ADGRV1: variants seen among roughly 807,000 people sequenced by gnomAD.
ADGRV1 encodes G-protein coupled receptor 98.
ADGRV1 carries 359 observed loss-of-function variants against 596.2 expected under a neutral mutation model. The observed-to-expected ratio is 0.60, with a 90% confidence interval of 0.55 to 0.66. The LOEUF (loss-of-function observed/expected upper bound fraction) is 0.66, where lower values mean the gene tolerates loss of function less well. ADGRV1 is among the 30% of genes least tolerant of loss of function. ADGRV1 has a pLI of 0.00. For missense variants in ADGRV1, 7,274 were observed against 7,575.6 expected (o/e 0.96, Z 1.48); for synonymous variants, 2,681 against 2,679.2 (o/e 1.00, Z -0.02).
At chr5:90,732,243 A>T (rs185699543) in intron 50 of ADGRV1, among the ~76,000 whole-genome samples, 1 of 152,054 alleles carries the variant, frequency 6.6e-6, no homozygotes, top group Non-Finnish European at 1.5e-5. Context: ...GCTTCAGGAG[A>T]TCCTCCTGCC....
chr5:91,038,235 G>T (rs1196244749), intron 85 of ADGRV1, among the ~76,000 whole-genome samples: 1 of 152,164 alleles, frequency 6.6e-6, no homozygotes, highest in Non-Finnish European at 1.5e-5. Flanking sequence ...AAGAAAGCGA[G>T]GATTACTAGA....
intron 87 of ADGRV1, among the ~76,000 whole-genome samples, chr5:91,125,387 A>G (rs1279445646): frequency 2.6e-5 from 4 of 152,242 alleles, no homozygotes; most frequent in African/African-American, 9.6e-5. Context: ...TGAAAGGGCC[A>G]GGAATATACT....
chr5:91,100,089 T>C (rs1189465521), intron 86 of ADGRV1, among the ~76,000 whole-genome samples: 1 of 152,114 alleles, frequency 6.6e-6, no homozygotes, highest in Non-Finnish European at 1.5e-5. Flanking sequence ...GAAACCATCT[T>C]GAAAGGGCTC....
intron 73 of ADGRV1, 24 bp downstream of exon 73, chr5:90,807,761 C>T (rs1762044418): frequency 6.7e-7 from 1 of 1,499,294 alleles, no homozygotes; most frequent in African/African-American, 1.4e-5. Context: ...CATTCTCACC[C>T]AAGAAATTCT....
intron 77 of ADGRV1, among the ~76,000 whole-genome samples, chr5:90,834,236 G>T (rs1764767478): frequency 6.6e-6 from 1 of 152,082 alleles, no homozygotes. Flanking sequence ...TATTAACCAT[G>T]AGTTTTGTAC....
At chr5:90,689,076 T>G (rs1282805250) in intron 29 of ADGRV1, among the ~76,000 whole-genome samples, 5 of 152,178 alleles carry the variant, frequency 3.3e-5, no homozygotes, top group African/African-American at 1.2e-4. Flanking sequence ...TAGTGTGCTT[T>G]CAGAGGAACA....
At chr5:90,666,819 C>G (rs1771500107) in intron 21 of ADGRV1, among the ~76,000 whole-genome samples, 2 of 151,732 alleles carry the variant, frequency 1.3e-5, no homozygotes, top group Admixed American at 1.3e-4. Flanking sequence ...GTGACAAAAT[C>G]TCTCAGCATT....
chr5:91,030,989 T>C (rs2151226678), intron 85 of ADGRV1: 1 of 1,382,496 alleles, frequency 7.2e-7, no homozygotes, highest in Non-Finnish European at 9.6e-7. Flanking sequence ...TGATTTTATA[T>C]GTCAATCAGT....
At chr5:90,920,858 G>T (rs529960274) in intron 83 of ADGRV1, among the ~76,000 whole-genome samples, 2 of 152,190 alleles carry the variant, frequency 1.3e-5, no homozygotes, top group African/African-American at 2.4e-5. Context: ...TTAACTACTG[G>T]CTGTCAAATT....
intron 20 of ADGRV1, chr5:90,655,956 T>G (rs1426267500): frequency 6.6e-6 from 1 of 152,202 alleles, no homozygotes; most frequent in East Asian, 1.9e-4. Context: ...ATTTCACAAT[T>G]TTTCTTCTTT....
intron 85 of ADGRV1, among the ~76,000 whole-genome samples, chr5:91,059,990 C>T (rs1384674944): frequency 1.3e-5 from 2 of 151,994 alleles, no homozygotes; most frequent in African/African-American, 4.8e-5. Context: ...TAACCCATTA[C>T]ACAGCAAACA....
intron 10 of ADGRV1, among the ~76,000 whole-genome samples, chr5:90,635,838 A>G (rs562028671): frequency 1.3e-4 from 20 of 149,756 alleles, no homozygotes; most frequent in Non-Finnish European, 5.9e-5. Context: ...CAAGTAGTCC[A>G]CCTCCCTTGG....
chr5:90,949,896 C>T (rs10057134), intron 83 of ADGRV1, among the ~76,000 whole-genome samples: 65,178 of 152,056 alleles, frequency 0.43, 15,132 homozygotes, highest in Non-Finnish European at 0.51. Flanking sequence ...ACAGAGTGCT[C>T]TGATGTGGTG....
chr5:91,137,463 A>T (rs1481223322), intron 87 of ADGRV1, among the ~76,000 whole-genome samples: 1 of 152,182 alleles, frequency 6.6e-6, no homozygotes, highest in Non-Finnish European at 1.5e-5. Context: ...GTTAGGCTTC[A>T]TATGCCTCGT....
intron 50 of ADGRV1, among the ~76,000 whole-genome samples, chr5:90,731,831 A>G (rs1307613314): frequency 6.6e-6 from 1 of 152,220 alleles, no homozygotes; most frequent in Non-Finnish European, 1.5e-5. Flanking sequence ...AAAGTCATCT[A>G]TTTTAAAATG....
At position 90,675,311 on chromosome 5, in the gene ADGRV1, G is replaced by C. The variant is rs758765037; in HGVS notation, c.5179G>C (p.Val1727Leu). ...CGCAATGACCCTGCCTGCAAGCAGCGTTCCACATATCACTGTGGAGGAGGA... is the reference window on the plus strand; with the variant it reads ...CGCAATGACCCTGCCTGCAAGCAGCCTTCCACATATCACTGTGGAGGAGGA... Reference protein sequence around the residue: ...KDAMTLPASSVPHITVEEEDG... With the variant: ...KDAMTLPASSLPHITVEEEDG... The change falls in exon 24 of 90, where the codon GTT (valine) becomes CTT (leucine). Residue 1727 changes from valine to leucine, a missense_variant. By Grantham distance (32) the Val-to-Leu change is conservative. Around this residue, in one of 5 missense-constraint regions of ADGRV1, gnomAD observed 3,643 missense variants for 3,809.2 expected, o/e 0.96. Coordinates refer to ENST00000405460, the MANE Select transcript of ADGRV1 (RefSeq NM_032119.4). 6.2e-7 allele frequency: 1 copy of C among 1,613,678 alleles called. No individual in the cohort carries two copies. Among genetic ancestry groups the C allele is most frequent in the Non-Finnish European group, 8.5e-7 (1 of 1,179,814 alleles).
intron 24 of ADGRV1, 34 bp downstream of exon 24, chr5:90,675,479 C>T: frequency 6.4e-7 from 1 of 1,562,908 alleles, no homozygotes; most frequent in Non-Finnish European, 8.8e-7. Context: ...GTTGTATTTG[C>T]ACTTGTAAAA....
intron 87 of ADGRV1, among the ~76,000 whole-genome samples, chr5:91,107,891 G>A: frequency 6.6e-6 from 1 of 152,178 alleles, no homozygotes; most frequent in East Asian, 1.9e-4. Flanking sequence ...AAGGAGGACT[G>A]TGACACATAA....
At chr5:90,572,467 T>C in intron 1 of ADGRV1, among the ~76,000 whole-genome samples, 1 of 152,126 alleles carries the variant, frequency 6.6e-6, no homozygotes, top group Non-Finnish European at 1.5e-5. Flanking sequence ...AATGAACTGG[T>C]ACGAAAGCAG....
Sources: gnomAD v4.1 joint callset for allele counts (sites outside exome capture counted in the v4.1 genomes callset) on GRCh38, gnomAD v4.1.1 for gene constraint, gnomAD v4.1.1 regional missense constraint, MANE v1.5 for transcripts, NCBI Gene and HGNC (gene_info 2026-07-23, HGNC 2026-07-21) for gene names.